Variants in TMEM26 observed in about 807,000 individuals in gnomAD.
TMEM26 encodes transmembrane protein 26.
In TMEM26, 38 loss-of-function variants were observed where a neutral mutation model predicts 28.8. That is an observed-to-expected ratio of 1.32 (90% confidence interval 1.02 to 1.73). The LOEUF (loss-of-function observed/expected upper bound fraction) is 1.73, where lower values mean the gene tolerates loss of function less well. Among genes scored for constraint, TMEM26 ranks in the 40% most tolerant of loss-of-function variants. The pLI is 0.00. For synonymous variants in TMEM26, 227 were observed against 182.9 expected (o/e 1.24, Z -1.95); for missense variants, 518 against 447.1 (o/e 1.16, Z -1.43).
rs1169881725 is a variant in TMEM26, at chr10:61,408,668, T to C, written c.*1654A>G. The C allele has an allele frequency of 1.3e-5, 2 of 152,242 alleles. No individual in the cohort carries two copies. Among genetic ancestry groups the C allele is most frequent in the African/African-American group, 4.8e-5 (2 of 41,460 alleles). The allele number at this position is 152,242 out of a possible 1,614,324, so 9.4% of individuals were successfully genotyped here. On this transcript the variant is annotated 3_prime_UTR_variant, in exon 6 of 6. Coordinates refer to ENST00000399298, the MANE Select transcript of TMEM26 (RefSeq NM_178505.8). Reference sequence around the variant, plus strand: ...AAGTTGTCAAGTGATTTACTTCATATAAATATAATTTCTTGATCTTAACTT... The same window carrying C: ...AAGTTGTCAAGTGATTTACTTCATACAAATATAATTTCTTGATCTTAACTT...
chr10:61,416,118 C>T (rs967806073), intron 4 of TMEM26: 2 of 449,260 alleles, frequency 4.5e-6, no homozygotes, highest in South Asian at 3.2e-5. Context: ...ATTTTTCCAA[C>T]AGAGCCTGCA....
At position 61,406,937 on chromosome 10, in the gene TMEM26, C is replaced by T. The variant is rs1839504288; in HGVS notation, c.*3385G>A. 6.6e-6 allele frequency: 1 copy of T among 151,826 alleles called. No individual in the cohort carries two copies. The highest frequency in any genetic ancestry group is 2.1e-4 in the South Asian group (1 of 4,820). 9.4% of individuals were successfully genotyped at this position (151,826 alleles called of 1,614,324 possible). ...TGTTTCTGAGAGCAAATCAGAATGT[C>T]CTCTAAGTAAAAAGCCAAGTCTGAA... On this transcript the variant is annotated 3_prime_UTR_variant, in exon 6 of 6. Coordinates refer to ENST00000399298, the MANE Select transcript of TMEM26 (RefSeq NM_178505.8).
Position 61,410,212 on chromosome 10 carries a change from G to T in TMEM26, c.*110C>A. On this transcript the variant is annotated 3_prime_UTR_variant, in exon 6 of 6. Transcript: ENST00000399298. ...CTTTGGTTTAAGATCACCTTTTTAT[G>T]TTGTTCTTTTGAAAATTATTATACG... The T allele has an allele frequency of 8.2e-7, 1 of 1,226,324 alleles. No homozygotes were observed. Among genetic ancestry groups the T allele is most frequent in the Non-Finnish European group, 1.1e-6 (1 of 899,548 alleles). 76.0% of individuals were successfully genotyped at this position (1,226,324 alleles called of 1,614,324 possible).
intron 4 of TMEM26, among the ~76,000 whole-genome samples, chr10:61,419,183 G>A (rs567865677): frequency 6.6e-6 from 1 of 152,166 alleles, no homozygotes; most frequent in African/African-American, 2.4e-5. Flanking sequence ...TGGCAGTGGT[G>A]GGGGAGGCTG....
chr10:61,443,934 T>C (rs1238129881), intron 1 of TMEM26, among the ~76,000 whole-genome samples: 1 of 152,182 alleles, frequency 6.6e-6, no homozygotes, highest in Non-Finnish European at 1.5e-5. Context: ...ATCTTTCTCA[T>C]AAAATATTTC....
intron 4 of TMEM26, chr10:61,413,913 A>T: frequency 1.0e-6 from 1 of 989,152 alleles, no homozygotes; most frequent in Non-Finnish European, 1.2e-6. Flanking sequence ...ATTAATAATT[A>T]TTCTAAGAAA....
chr10:61,437,548 C>T (rs1840027768), intron 1 of TMEM26, among the ~76,000 whole-genome samples: 1 of 152,136 alleles, frequency 6.6e-6, no homozygotes, highest in Non-Finnish European at 1.5e-5. Flanking sequence ...CTTTGGGAGG[C>T]CAAGGCAGGT....
intron 4 of TMEM26, among the ~76,000 whole-genome samples, chr10:61,417,926 G>T (rs1027287865): frequency 6.6e-6 from 1 of 151,952 alleles, no homozygotes; most frequent in Non-Finnish European, 1.5e-5. Flanking sequence ...CAAAAACAAC[G>T]ATCAGGGCTC....
At chr10:61,438,839 AACTG>A (rs1301902074) in intron 1 of TMEM26, among the ~76,000 whole-genome samples, 2 of 152,194 alleles carry the variant, frequency 1.3e-5, no homozygotes, top group African/African-American at 2.4e-5. Flanking sequence ...CAGTAGTTAC[AACTG>A]ACTGTGTATT....
intron 1 of TMEM26, among the ~76,000 whole-genome samples, chr10:61,442,776 T>A (rs528852257): frequency 6.6e-6 from 1 of 152,254 alleles, no homozygotes; most frequent in Admixed American, 6.5e-5. Context: ...CCTTCTTACA[T>A]GTAGACTCAT....
chr10:61,452,661 C>T (rs952563726), intron 1 of TMEM26: 6 of 523,308 alleles, frequency 1.1e-5, no homozygotes, highest in Non-Finnish European at 1.7e-5. Flanking sequence ...CTGGGTGACT[C>T]TTGCCTAGGC....
At position 61,410,436 on chromosome 10, in the gene TMEM26, C is replaced by T. The variant is rs575398772; in HGVS notation, c.993G>A (p.Gln331=). The change falls in exon 6 of 6, where the codon CAG becomes CAA. Residue 331 remains glutamine (Q), a synonymous_variant. Coordinates refer to ENST00000399298, the MANE Select transcript of TMEM26 (RefSeq NM_178505.8). The stretch of plus-strand genomic sequence containing the variant: ...GCTGAGAGGGCCCACTCTCAGAGGT[C>T]TGTGCCCGGCAACCATGTTCTCCTT... ...GLKGEHGCRA[Q]TSESGPSQRD... The T allele has an allele frequency of 9.3e-6, 15 of 1,614,012 alleles. No homozygotes were observed. The South Asian group carries it at 1.2e-4, about 13-fold the overall frequency.
chr10:61,410,967 A>G (rs746514514), intron 5 of TMEM26, among the ~76,000 whole-genome samples: 13 of 152,202 alleles, frequency 8.5e-5, no homozygotes, highest in Non-Finnish European at 1.6e-4. Context: ...AAAATGTAAG[A>G]TCATCTAGTT....
rs116047016 is a variant in TMEM26, at chr10:61,447,626, G to A, written c.191+5265C>T. Among the ~76,000 whole-genome samples, 753 of 152,276 alleles carry A rather than the reference G, an allele frequency of 4.9e-3. 5 individuals carry two copies. The highest frequency in any genetic ancestry group is 0.017 in the African/African-American group (690 of 41,562). The stretch of plus-strand genomic sequence containing the variant: ...GAAATTCGGAAGAGTTTTTAACATG[G>A]AGTCTAGGGATACTGGAATAATAAG... On this transcript the variant is annotated intron_variant, in intron 1 of 5. Coordinates refer to ENST00000399298, the MANE Select transcript of TMEM26 (RefSeq NM_178505.8).
intron 1 of TMEM26, among the ~76,000 whole-genome samples, chr10:61,451,527 C>A (rs992376473): frequency 3.3e-5 from 5 of 152,146 alleles, no homozygotes; most frequent in African/African-American, 1.2e-4. Context: ...AGTGAACAAA[C>A]ACTTTTCTCC....
intron 4 of TMEM26, among the ~76,000 whole-genome samples, chr10:61,419,601 G>A (rs1240044081): frequency 1.3e-5 from 2 of 151,970 alleles, no homozygotes; most frequent in African/African-American, 4.8e-5. Context: ...AAAACAATCA[G>A]TGACCTAGAA....
intron 1 of TMEM26, among the ~76,000 whole-genome samples, chr10:61,438,128 G>A (rs1367819037): frequency 1.3e-5 from 2 of 151,916 alleles, no homozygotes; most frequent in Non-Finnish European, 2.9e-5. Context: ...AGAAAGAGAG[G>A]TCTCTTAAAA....
Position 61,453,334 on chromosome 10 carries a change from A to G in TMEM26, c.-253T>C, listed in dbSNP as rs1655365952. 1 of 465,876 alleles carries G rather than the reference A, an allele frequency of 2.1e-6. No homozygotes were observed. Among genetic ancestry groups the G allele is most frequent in the African/African-American group, 1.9e-5 (1 of 51,598 alleles). 28.9% of individuals were successfully genotyped at this position (465,876 alleles called of 1,614,324 possible). On this transcript the variant is annotated 5_prime_UTR_variant, in exon 1 of 6. Coordinates refer to ENST00000399298, the MANE Select transcript of TMEM26 (RefSeq NM_178505.8). ...TTCCAGACTGCTGGGTTTTCCAGGG[A>G]GTCTGGGGCTGCGCTGCCCTGTCTC...
rs1349959520 is a variant in TMEM26, at chr10:61,407,104, A to T, written c.*3218T>A. On this transcript the variant is annotated 3_prime_UTR_variant, in exon 6 of 6. Transcript: ENST00000399298. ...AGTGGACAGATGCCTGGCATTTGCA[A>T]TTCTTTCTCTCCTGTAACAGGAAAA... The T allele has an allele frequency of 6.6e-6, 1 of 152,134 alleles. No individual in the cohort carries two copies. The highest frequency in any genetic ancestry group is 1.5e-5 in the Non-Finnish European group (1 of 67,994). 9.4% of individuals were successfully genotyped at this position (152,134 alleles called of 1,614,324 possible). A position where few individuals can be genotyped will look rare whatever the true frequency, so the allele number is the denominator to read the frequency against.
Sources: gnomAD v4.1 joint callset for allele counts (sites outside exome capture counted in the v4.1 genomes callset) on GRCh38, gnomAD v4.1.1 for gene constraint, MANE v1.5 for transcripts, NCBI Gene and HGNC (gene_info 2026-07-23, HGNC 2026-07-21) for gene names.